The following IGSF10 variants were observed in gnomAD, a reference collection of about 807,000 sequenced individuals.
IGSF10 encodes the protein immunoglobulin superfamily member 10.
A neutral mutation model predicts 128.2 loss-of-function variants in IGSF10; 126 were observed. The observed-to-expected ratio is 0.98, with a 90% CI of 0.85 to 1.14. The LOEUF (loss-of-function observed/expected upper bound fraction) is 1.14. Among genes scored for constraint, IGSF10 ranks in the 50% most tolerant of loss-of-function variants. The pLI is 0.00. For missense variants in IGSF10, 3,295 were observed against 3,149.8 expected (o/e 1.05, Z -1.10); for synonymous variants, 1,185 against 1,146.2 (o/e 1.03, Z -0.68).
At chr3:151,597,021 A>G in the IGSF10 span, among the ~76,000 whole-genome samples, 2 of 151,054 alleles carry the variant, frequency 1.3e-5, no homozygotes, top group South Asian at 2.1e-4. Context: ...TTTTTTTTTC[A>G]GTAAATAAAT....
At chr3:151,575,506 T>A in the IGSF10 span, among the ~76,000 whole-genome samples, 1 of 152,146 alleles carries the variant, frequency 6.6e-6, no homozygotes, top group Admixed American at 6.5e-5. Flanking sequence ...TGAGCAAGGC[T>A]CCATGGGCAT....
the IGSF10 span, among the ~76,000 whole-genome samples, chr3:151,615,136 TCAGA>T: frequency 0.013 from 1,920 of 150,646 alleles, 45 homozygotes; most frequent in African/African-American, 0.044. Flanking sequence ...CTATTTTGGG[TCAGA>T]CAATGTTCTA....
the IGSF10 span, among the ~76,000 whole-genome samples, chr3:151,467,006 A>C: frequency 6.6e-6 from 1 of 152,162 alleles, no homozygotes; most frequent in Non-Finnish European, 1.5e-5. Context: ...ACTATGTCCC[A>C]CAGAAACAGT....
At chr3:151,569,589 C>G in the IGSF10 span, among the ~76,000 whole-genome samples, 1 of 152,080 alleles carries the variant, frequency 6.6e-6, no homozygotes, top group African/African-American at 2.4e-5. Context: ...CAAATGTGTT[C>G]TACAGGCTAG....
the IGSF10 span, among the ~76,000 whole-genome samples, chr3:151,516,896 C>A: frequency 6.6e-6 from 1 of 152,106 alleles, no homozygotes; most frequent in Non-Finnish European, 1.5e-5. Flanking sequence ...ATGCAGTACA[C>A]ATCCCCTTTG....
At position 151,445,430 on chromosome 3, in the gene IGSF10, T is replaced by G; in HGVS notation, c.4551A>C (p.Gln1517His). 6.2e-7 allele frequency: 1 copy of G among 1,614,244 alleles called. No individual in the cohort carries two copies. Among genetic ancestry groups the G allele is most frequent in the Non-Finnish European group, 8.5e-7 (1 of 1,180,040 alleles). ...GGGATGTTGCAACCTCTGCTACTAA[T>G]TGCTGTGGTTTAGCATTGTGCCTTG... ...ESSRHNAKPQQLVAEVATSPK... is the reference protein window; with the variant it reads ...ESSRHNAKPQHLVAEVATSPK... Residue 1517 changes from glutamine to histidine, a missense_variant, in exon 6 of 8, where the codon CAA becomes CAC. By Grantham distance (24) the Gln-to-His change is conservative (BLOSUM62 0). Transcript: ENST00000282466.
At chr3:151,453,013 G>A (rs748461949) in intron 5 of IGSF10, among the ~76,000 whole-genome samples, 8 of 152,056 alleles carry the variant, frequency 5.3e-5, no homozygotes, top group African/African-American at 7.2e-5. Flanking sequence ...GTGTGCCTGG[G>A]ATGGGCAGGG....
chr3:151,445,451 C>A lies in IGSF10; in HGVS notation c.4530G>T (p.Arg1510Ser). Residue 1510 changes from arginine (R) to serine (S), a missense_variant, in exon 6 of 8, where the codon AGG (arginine) becomes AGT (serine). Physicochemically the swap from Arg to Ser is moderately radical, Grantham distance 110 (BLOSUM62 -1). Coordinates refer to ENST00000282466, the MANE Select transcript of IGSF10 (RefSeq NM_178822.5). Reference sequence around the variant, plus strand: ...CTAATTGCTGTGGTTTAGCATTGTGCCTTGAGGATTCGTGCAGCTTGACCA... The same window carrying A: ...CTAATTGCTGTGGTTTAGCATTGTGACTTGAGGATTCGTGCAGCTTGACCA... Reference protein sequence around the residue: ...NTVVKLHESSRHNAKPQQLVA... With the variant: ...NTVVKLHESSSHNAKPQQLVA... 1 of 1,614,094 alleles carries A rather than the reference C, an allele frequency of 6.2e-7. No homozygotes were observed. The highest frequency in any genetic ancestry group is 8.5e-7 in the Non-Finnish European group (1 of 1,180,020).
the IGSF10 span, among the ~76,000 whole-genome samples, chr3:151,485,037 A>T: frequency 6.6e-6 from 1 of 152,182 alleles, no homozygotes; most frequent in African/African-American, 2.4e-5. Context: ...AACCCAATGC[A>T]AGGAAGCTAG....
the IGSF10 span, among the ~76,000 whole-genome samples, chr3:151,502,000 C>A: frequency 6.6e-6 from 1 of 151,878 alleles, no homozygotes; most frequent in African/African-American, 2.4e-5. Context: ...TTTTACAGAC[C>A]TAAAAGCTGT....
At chr3:151,603,676 T>C in the IGSF10 span, among the ~76,000 whole-genome samples, 1 of 152,178 alleles carries the variant, frequency 6.6e-6, no homozygotes, top group Non-Finnish European at 1.5e-5. Context: ...ACAGTGTGAG[T>C]TGGCAAAGCT....
chr3:151,433,616 T>TC (rs1363851012), downstream of IGSF10: 1 of 152,378 alleles, frequency 6.6e-6, no homozygotes, highest in Non-Finnish European at 1.5e-5. Flanking sequence ...AGTGGAATCG[T>TC]CCAACTATTT....
At chr3:151,523,706 G>A in the IGSF10 span, among the ~76,000 whole-genome samples, 3 of 151,916 alleles carry the variant, frequency 2.0e-5, no homozygotes, top group East Asian at 5.8e-4. Flanking sequence ...TGAATACTTT[G>A]GGAGACAACC....
chr3:151,561,093 T>C, the IGSF10 span, among the ~76,000 whole-genome samples: 2 of 152,198 alleles, frequency 1.3e-5, no homozygotes, highest in Non-Finnish European at 2.9e-5. Flanking sequence ...GAAGAATCTG[T>C]TTGTTATTTG....
chr3:151,512,640 C>CA, the IGSF10 span, among the ~76,000 whole-genome samples: 1 of 151,712 alleles, frequency 6.6e-6, no homozygotes, highest in Non-Finnish European at 1.5e-5. Context: ...AATAGAGACA[C>CA]AAAAAACCCT....
At chr3:151,456,542 CACTT>C (rs1721806173) in intron 4 of IGSF10, among the ~76,000 whole-genome samples, 1 of 152,180 alleles carries the variant, frequency 6.6e-6, no homozygotes, top group Non-Finnish European at 1.5e-5. Flanking sequence ...TTTACTTTCT[CACTT>C]ACTTTTGTGA....
In IGSF10 at chr3:151,445,429, A is replaced by C. The variant is rs780447404; in HGVS notation, c.4552T>G (p.Leu1518Val). The stretch of plus-strand genomic sequence containing the variant: ...GGGGATGTTGCAACCTCTGCTACTA[A>C]TTGCTGTGGTTTAGCATTGTGCCTT... ...SSRHNAKPQQ[L>V]VAEVATSPKV... The change falls in exon 6 of 8, where the codon TTA becomes GTA. Residue 1518 changes from leucine (L) to valine (V), a missense_variant. Physicochemically the swap from Leu to Val is conservative, Grantham distance 32 (BLOSUM62 1). Coordinates refer to ENST00000282466, the MANE Select transcript of IGSF10 (RefSeq NM_178822.5). The C allele has an allele frequency of 1.4e-5, 22 of 1,614,058 alleles. No individual in the cohort carries two copies.
chr3:151,451,910 AAC>A (rs1315601564), intron 5 of IGSF10, among the ~76,000 whole-genome samples: 1 of 152,262 alleles, frequency 6.6e-6, no homozygotes, highest in Non-Finnish European at 1.5e-5. Flanking sequence ...ATGCTGCATC[AAC>A]ATCTTTGCAG....
chr3:151,585,259 ATAAT>A, the IGSF10 span, among the ~76,000 whole-genome samples: 2 of 152,186 alleles, frequency 1.3e-5, no homozygotes, highest in Non-Finnish European at 2.9e-5. Flanking sequence ...TTTGGGTTAA[ATAAT>A]ATATATCAAA....
Sources: allele counts gnomAD v4.1 joint callset (sites outside exome capture counted in the v4.1 genomes callset), GRCh38; gene constraint gnomAD v4.1.1; transcripts MANE v1.5; gene names NCBI Gene and HGNC (gene_info 2026-07-23, HGNC 2026-07-21).